Variants in INPP4B observed in about 807,000 individuals in gnomAD.
The protein encoded by INPP4B is inositol polyphosphate-4-phosphatase type II B, also known as inositol polyphosphate 4-phosphatase type II.
A neutral mutation model predicts 122.5 loss-of-function variants in INPP4B; 55 were observed. The observed-to-expected ratio is 0.45, with a 90% CI of 0.36 to 0.56. INPP4B has a LOEUF of 0.56. Among genes scored for constraint, INPP4B ranks in the 20% least tolerant of loss-of-function variants. The pLI is 0.00. For synonymous variants in INPP4B, 403 were observed against 388.7 expected (o/e 1.04, Z -0.43); for missense variants, 1,000 against 1,097.7 (o/e 0.91, Z 1.26).
chr4:142,758,016 G>A (rs1770752672), intron 1 of INPP4B, among the ~76,000 whole-genome samples: 1 of 152,166 alleles, frequency 6.6e-6, no homozygotes, highest in Admixed American at 6.6e-5. Flanking sequence ...AACAGGCAGT[G>A]ACACTGGTCT....
chr4:142,422,549 A>T (rs72944976), intron 5 of INPP4B, among the ~76,000 whole-genome samples: 2,261 of 152,110 alleles, frequency 0.015, 52 homozygotes, highest in African/African-American at 0.052. Context: ...TCATGCCTGT[A>T]CTCCCAGCAC....
intron 7 of INPP4B, among the ~76,000 whole-genome samples, chr4:142,373,604 T>C (rs1478587111): frequency 1.3e-5 from 2 of 151,946 alleles, no homozygotes; most frequent in Non-Finnish European, 2.9e-5. Flanking sequence ...ATGACACTAA[T>C]AGTATCTATG....
intron 14 of INPP4B, chr4:142,202,659 C>A (rs1841143554): frequency 1.2e-6 from 1 of 808,848 alleles, no homozygotes; most frequent in African/African-American, 1.9e-5. Context: ...ATTTTGGCTA[C>A]TGTTGGACCT....
intron 7 of INPP4B, among the ~76,000 whole-genome samples, chr4:142,343,758 T>G (rs1779419493): frequency 6.6e-6 from 1 of 152,112 alleles, no homozygotes. Flanking sequence ...CACTAACTAA[T>G]CGTAACTTTA....
intron 24 of INPP4B, among the ~76,000 whole-genome samples, chr4:142,083,038 A>G (rs1488003990): frequency 6.6e-6 from 1 of 151,526 alleles, no homozygotes; most frequent in African/African-American, 2.4e-5. Context: ...AGGTGGGAGG[A>G]TTACTTGAGC....
At chr4:142,240,612 A>C (rs917728822) in intron 11 of INPP4B, among the ~76,000 whole-genome samples, 6 of 152,118 alleles carry the variant, frequency 3.9e-5, no homozygotes, top group African/African-American at 9.6e-5. Context: ...ATCTTTTGAG[A>C]CTCATACTCC....
At chr4:142,415,822 C>T (rs1805613784) in intron 5 of INPP4B, among the ~76,000 whole-genome samples, 1 of 151,986 alleles carries the variant, frequency 6.6e-6, no homozygotes, top group African/African-American at 2.4e-5. Context: ...ACTATGCAGC[C>T]ATAAAAAATG....
chr4:142,628,427 G>A (rs1210415906), intron 2 of INPP4B, among the ~76,000 whole-genome samples: 3 of 54,860 alleles, frequency 5.5e-5, no homozygotes, highest in African/African-American at 1.6e-4. Flanking sequence ...GGGGGGAGGG[G>A]GGAGGGATAG....
intron 1 of INPP4B, among the ~76,000 whole-genome samples, chr4:142,818,309 T>C (rs987627056): frequency 1.3e-5 from 2 of 152,164 alleles, no homozygotes; most frequent in Non-Finnish European, 2.9e-5. Flanking sequence ...AATGCCTGCT[T>C]TCCCAGAAAC....
chr4:142,254,563 G>A (rs1734570542), intron 11 of INPP4B, among the ~76,000 whole-genome samples: 1 of 152,214 alleles, frequency 6.6e-6, no homozygotes, highest in Non-Finnish European at 1.5e-5. Context: ...GAATGCAGAA[G>A]CCTCATGAGC....
intron 2 of INPP4B, among the ~76,000 whole-genome samples, chr4:142,637,493 T>C (rs544999518): frequency 6.6e-6 from 1 of 152,326 alleles, no homozygotes; most frequent in Admixed American, 6.5e-5. Context: ...TAATATGCAT[T>C]TGAATTTCTT....
intron 2 of INPP4B, among the ~76,000 whole-genome samples, chr4:142,635,449 A>G (rs879176355): frequency 6.6e-6 from 1 of 152,352 alleles, no homozygotes; most frequent in African/African-American, 2.4e-5. Context: ...AAAGACATGG[A>G]ATCAACCTAA....
chr4:142,515,348 A>C (rs1825289121), intron 2 of INPP4B, among the ~76,000 whole-genome samples: 1 of 152,166 alleles, frequency 6.6e-6, no homozygotes, highest in Admixed American at 6.6e-5. Flanking sequence ...TTTCCAATGC[A>C]ATCATGGTGG....
At chr4:142,231,277 A>T (rs1218733154) in intron 12 of INPP4B, among the ~76,000 whole-genome samples, 2 of 152,234 alleles carry the variant, frequency 1.3e-5, no homozygotes, top group Non-Finnish European at 2.9e-5. Flanking sequence ...ATTTCCACTC[A>T]ATGTCAGGAT....
chr4:142,784,898 CACTT>C (rs1024437654), intron 1 of INPP4B, among the ~76,000 whole-genome samples: 7 of 152,108 alleles, frequency 4.6e-5, no homozygotes, highest in East Asian at 1.9e-4. Context: ...CTTCCTGTCT[CACTT>C]ACAGCGATAA....
chr4:142,506,542 C>T (rs878919947), intron 2 of INPP4B, among the ~76,000 whole-genome samples: 3 of 152,076 alleles, frequency 2.0e-5, no homozygotes, highest in Admixed American at 6.6e-5. Context: ...GGCACCGTAC[C>T]GACTTACAAG....
chr4:142,594,628 A>C (rs1738262233), intron 2 of INPP4B, among the ~76,000 whole-genome samples: 1 of 152,116 alleles, frequency 6.6e-6, no homozygotes, highest in Non-Finnish European at 1.5e-5. Context: ...ATTATATCAA[A>C]CATTTAGATG....
At chr4:142,621,901 G>GA (rs1056322620) in intron 2 of INPP4B, among the ~76,000 whole-genome samples, 1 of 151,688 alleles carries the variant, frequency 6.6e-6, no homozygotes, top group Non-Finnish European at 1.5e-5. Context: ...CTTGTCTGAA[G>GA]AAAAAAATCT....
chr4:142,841,798 TG>T (rs1316597108), intron 1 of INPP4B, among the ~76,000 whole-genome samples: 8 of 151,980 alleles, frequency 5.3e-5, no homozygotes, highest in Non-Finnish European at 1.0e-4. Flanking sequence ...ACATTGATGC[TG>T]TTACTCCAAT....
Sources: allele counts gnomAD v4.1 joint callset (sites outside exome capture counted in the v4.1 genomes callset), GRCh38; gene constraint gnomAD v4.1.1; transcripts MANE v1.5; gene names NCBI Gene and HGNC (gene_info 2026-07-23, HGNC 2026-07-21).